Variants in MEGF10 observed in about 807,000 individuals in gnomAD.
MEGF10 encodes the protein multiple epidermal growth factor-like domains protein 10.
In MEGF10, 86 loss-of-function variants were observed where a neutral mutation model predicts 147.5. That is an observed-to-expected ratio of 0.58 (90% confidence interval 0.49 to 0.70). MEGF10 has a LOEUF of 0.70. MEGF10 is among the 30% of genes least tolerant of loss of function. MEGF10 has a pLI of 0.00. For missense variants in MEGF10, 1,329 were observed against 1,487.3 expected (o/e 0.89, Z 1.75); for synonymous variants, 478 against 525.5 (o/e 0.91, Z 1.24).
At chr5:127,417,588 G>C (rs749601357) in intron 9 of MEGF10, 50 bp from the exon 10 acceptor site, 2 of 1,574,104 alleles carry the variant, frequency 1.3e-6, no homozygotes, top group Non-Finnish European at 1.7e-6. Flanking sequence ...CAGAAGTTGG[G>C]TGTCATGTTT....
intron 4 of MEGF10, among the ~76,000 whole-genome samples, chr5:127,363,661 T>C (rs537542478): frequency 6.6e-6 from 1 of 152,218 alleles, no homozygotes; most frequent in Non-Finnish European, 1.5e-5. Flanking sequence ...GGGTGTACAA[T>C]TGGCAATGTC....
intron 13 of MEGF10, 51 bp from the exon 14 acceptor site, chr5:127,433,312 G>T: frequency 6.2e-7 from 1 of 1,612,968 alleles, no homozygotes; most frequent in Non-Finnish European, 8.5e-7. Context: ...AGCATCTGCG[G>T]AAACTCCGCA....
At chr5:127,351,700 C>T (rs1762095122) in intron 4 of MEGF10, among the ~76,000 whole-genome samples, 1 of 152,154 alleles carries the variant, frequency 6.6e-6, no homozygotes, top group South Asian at 2.1e-4. Flanking sequence ...GTCACATGCT[C>T]TCGCCAAGCT....
At chr5:127,290,085 C>T (rs1287881742), upstream of MEGF10, among the ~76,000 whole-genome samples, 2 of 152,124 alleles carry the variant, frequency 1.3e-5, no homozygotes. Context: ...CTGGGCCTCC[C>T]GGGGCCTCCT....
intron 1 of MEGF10, among the ~76,000 whole-genome samples, chr5:127,296,443 T>G (rs1759506164): frequency 6.6e-6 from 1 of 152,216 alleles, no homozygotes; most frequent in Admixed American, 6.5e-5. Flanking sequence ...CCCTTCCCAC[T>G]TCTAAGACAA....
rs191693974 is a variant in MEGF10 at position 127,443,937 on chromosome 5, C to T, written c.2491+811C>T. Among the ~76,000 whole-genome samples, 50 of 152,294 alleles carry T rather than the reference C, an allele frequency of 3.3e-4. 1 individual carries two copies. Among genetic ancestry groups the T allele is most frequent in the Middle Eastern group, 6.8e-3 (2 of 294 alleles). On this transcript the variant is annotated intron_variant, in intron 19 of 24. Coordinates refer to ENST00000503335, the MANE Select transcript of MEGF10 (RefSeq NM_001256545.2). ...TTTGCATGGACATGTGCTTTCATTT[C>T]TCTTGGGTAAATACCTAGGAGTAGA...
chr5:127,325,631 C>T (rs1760984057), intron 1 of MEGF10, among the ~76,000 whole-genome samples: 1 of 151,896 alleles, frequency 6.6e-6, no homozygotes, highest in Admixed American at 6.6e-5. Flanking sequence ...GGCCATTTTC[C>T]ATGTGGGGCT....
chr5:127,276,728 C>T, the MEGF10 span, among the ~76,000 whole-genome samples: 3 of 151,936 alleles, frequency 2.0e-5, no homozygotes, highest in East Asian at 5.8e-4. Context: ...ACAAAATAGG[C>T]AAAGATTAAG....
intron 4 of MEGF10, among the ~76,000 whole-genome samples, chr5:127,363,672 T>A (rs773856677): frequency 6.6e-6 from 1 of 152,234 alleles, no homozygotes; most frequent in Non-Finnish European, 1.5e-5. Flanking sequence ...TGGCAATGTC[T>A]GCCAAAGATA....
chr5:127,378,705 G>A (rs1763127865), intron 5 of MEGF10, among the ~76,000 whole-genome samples: 1 of 152,190 alleles, frequency 6.6e-6, no homozygotes, highest in Non-Finnish European at 1.5e-5. Context: ...TCCTGCCTCA[G>A]CCTCCCAAAG....
At chr5:127,434,073 T>G (rs531120290) in intron 14 of MEGF10, among the ~76,000 whole-genome samples, 155 of 152,388 alleles carry the variant, frequency 1.0e-3, no homozygotes, top group African/African-American at 3.4e-3. Context: ...TAACTAATTA[T>G]AAGTTATACT....
chr5:127,245,706 C>T, the MEGF10 span, among the ~76,000 whole-genome samples: 2 of 152,050 alleles, frequency 1.3e-5, no homozygotes, highest in East Asian at 3.8e-4. Flanking sequence ...TGCAAACTAT[C>T]CATCTGACAA....
intron 9 of MEGF10, among the ~76,000 whole-genome samples, chr5:127,411,666 CT>C (rs1439578833): frequency 6.6e-6 from 1 of 152,126 alleles, no homozygotes; most frequent in Non-Finnish European, 1.5e-5. Flanking sequence ...TATTAGTCAA[CT>C]TTGGTTTTCT....
At chr5:127,309,495 A>G (rs1760166402) in intron 1 of MEGF10, among the ~76,000 whole-genome samples, 2 of 152,160 alleles carry the variant, frequency 1.3e-5, no homozygotes, top group South Asian at 4.1e-4. Context: ...TTCTGTCTTT[A>G]TGAATTTGAC....
intron 4 of MEGF10, among the ~76,000 whole-genome samples, chr5:127,353,236 C>A (rs778577441): frequency 3.3e-5 from 5 of 152,232 alleles, no homozygotes; most frequent in Non-Finnish European, 7.3e-5. Context: ...GTGGTTCATT[C>A]AGGCACATGC....
intron 24 of MEGF10, 88 bp downstream of exon 24, chr5:127,455,695 A>G: frequency 9.9e-7 from 1 of 1,008,028 alleles, no homozygotes; most frequent in Non-Finnish European, 1.5e-6. Flanking sequence ...GTTGCAGGTC[A>G]TAGAAATCTT....
chr5:127,422,532 A>G, intron 12 of MEGF10, 138 bp from the exon 13 acceptor site: 1 of 630,316 alleles, frequency 1.6e-6, no homozygotes, highest in Non-Finnish European at 2.8e-6. Flanking sequence ...AGAAAAAAAT[A>G]AATAAAGATA....
chr5:127,241,700 G>C, the MEGF10 span, among the ~76,000 whole-genome samples: 1 of 152,158 alleles, frequency 6.6e-6, no homozygotes, highest in Non-Finnish European at 1.5e-5. Flanking sequence ...TTGAGCTTCT[G>C]TGGAAAGTAG....
At chr5:127,247,407 GA>G in the MEGF10 span, among the ~76,000 whole-genome samples, 104 of 65,308 alleles carry the variant, frequency 1.6e-3, 18 homozygotes, top group African/African-American at 6.5e-3. Flanking sequence ...AGAAGAAGAA[GA>G]AGAAGAAGAA....
Sources: allele counts gnomAD v4.1 joint callset (sites outside exome capture counted in the v4.1 genomes callset), GRCh38; gene constraint gnomAD v4.1.1; transcripts MANE v1.5; gene names NCBI Gene and HGNC (gene_info 2026-07-23, HGNC 2026-07-21).